The following HS3ST4 variants were observed in gnomAD, a reference collection of about 807,000 sequenced individuals.
HS3ST4 encodes heparan sulfate-glucosamine 3-sulfotransferase 4.
HS3ST4 carries 17 observed loss-of-function variants against 29.2 expected under a neutral mutation model. The ratio of observed to expected loss-of-function variants is 0.58; its 90% CI spans 0.40 to 0.87. The LOEUF is 0.87. Among genes scored for constraint, HS3ST4 ranks in the 40% least tolerant of loss-of-function variants. HS3ST4 has a pLI of 0.00. For synonymous variants in HS3ST4, 314 were observed against 285.7 expected (o/e 1.10, Z -1.00); for missense variants, 627 against 634.5 (o/e 0.99, Z 0.13).
intron 1 of HS3ST4, among the ~76,000 whole-genome samples, chr16:25,969,616 A>G (rs1172168529): frequency 2.0e-5 from 3 of 152,124 alleles, no homozygotes; most frequent in African/African-American, 7.2e-5. Flanking sequence ...CATCTCTGAG[A>G]GTCAGTTTTT....
At chr16:26,081,562 T>C (rs554684714) in intron 1 of HS3ST4, among the ~76,000 whole-genome samples, 3 of 152,234 alleles carry the variant, frequency 2.0e-5, no homozygotes, top group East Asian at 1.9e-4. Flanking sequence ...AAGTATATAA[T>C]GTCTTAGAAG....
At chr16:26,067,200 C>T (rs1426738349) in intron 1 of HS3ST4, among the ~76,000 whole-genome samples, 3 of 152,182 alleles carry the variant, frequency 2.0e-5, no homozygotes, top group Non-Finnish European at 4.4e-5. Context: ...TCTAAACGTG[C>T]TTCCTGTGCA....
chr16:25,862,928 T>C (rs1386931379), intron 1 of HS3ST4, among the ~76,000 whole-genome samples: 1 of 152,226 alleles, frequency 6.6e-6, no homozygotes, highest in Non-Finnish European at 1.5e-5. Flanking sequence ...CCTCCTATTC[T>C]TGAATATTTT....
intron 1 of HS3ST4, among the ~76,000 whole-genome samples, chr16:26,124,066 A>G (rs1899311058): frequency 6.6e-6 from 1 of 152,038 alleles, no homozygotes; most frequent in African/African-American, 2.4e-5. Context: ...GATTACAGGC[A>G]GGTGCCACCA....
At chr16:25,826,922 A>G (rs1304811932) in intron 1 of HS3ST4, among the ~76,000 whole-genome samples, 1 of 151,984 alleles carries the variant, frequency 6.6e-6, no homozygotes, top group Non-Finnish European at 1.5e-5. Context: ...ATTACCTCCA[A>G]CCTCAGTGAA....
chr16:25,793,097 A>G (rs957467465), intron 1 of HS3ST4, among the ~76,000 whole-genome samples: 14 of 151,858 alleles, frequency 9.2e-5, no homozygotes, highest in African/African-American at 3.4e-4. Context: ...TCCTTTGGTT[A>G]TCAACCTGTG....
At chr16:25,750,538 A>T (rs1214206843) in intron 1 of HS3ST4, among the ~76,000 whole-genome samples, 1 of 152,212 alleles carries the variant, frequency 6.6e-6, no homozygotes, top group African/African-American at 2.4e-5. Context: ...TACTTACTCC[A>T]TCAAGAGTAC....
intron 1 of HS3ST4, among the ~76,000 whole-genome samples, chr16:25,855,539 T>C (rs938251463): frequency 2.0e-5 from 3 of 152,170 alleles, no homozygotes; most frequent in African/African-American, 4.8e-5. Flanking sequence ...CAGAGTCAGA[T>C]TGGAATTTGG....
intron 1 of HS3ST4, among the ~76,000 whole-genome samples, chr16:26,068,986 C>T (rs556493983): frequency 1.3e-5 from 2 of 152,196 alleles, no homozygotes; most frequent in Non-Finnish European, 2.9e-5. Context: ...GGGTGTTGCT[C>T]TGTCGCCCAG....
intron 1 of HS3ST4, among the ~76,000 whole-genome samples, chr16:26,117,768 G>A (rs557479267): frequency 3.0e-4 from 46 of 152,298 alleles, no homozygotes; most frequent in Middle Eastern, 6.8e-3. Flanking sequence ...ATGTGAAGCT[G>A]CATATCCAGA....
chr16:25,787,663 G>A lies in HS3ST4; in HGVS notation c.734+94512G>A, dbSNP rs74012500. On this transcript the variant is annotated intron_variant, in intron 1 of 1. Coordinates refer to ENST00000331351, the MANE Select transcript of HS3ST4 (RefSeq NM_006040.3). ...GTAAATCAAAAATAGAGGAAGCCAG[G>A]CCTGAAGGCTCACACCTTTGTGGGG... is the stretch of plus-strand genomic sequence containing the variant. 4.8e-3 allele frequency among the ~76,000 whole-genome samples: 734 copies of A among 152,330 alleles called. 9 individuals carry two copies. The highest frequency in any genetic ancestry group is 0.017 in the African/African-American group (697 of 41,574).
intron 1 of HS3ST4, among the ~76,000 whole-genome samples, chr16:26,115,698 C>G (rs1314142711): frequency 2.6e-5 from 4 of 152,082 alleles, no homozygotes; most frequent in African/African-American, 9.7e-5. Context: ...GCCTGTGCCT[C>G]AAGGCAGCAT....
At chr16:25,940,004 T>G (rs1252288300) in intron 1 of HS3ST4, among the ~76,000 whole-genome samples, 1 of 152,280 alleles carries the variant, frequency 6.6e-6, no homozygotes, top group East Asian at 1.9e-4. Flanking sequence ...ATAAGGCTGA[T>G]TATTCACAAA....
At chr16:25,834,773 C>A (rs1967340750) in intron 1 of HS3ST4, among the ~76,000 whole-genome samples, 1 of 152,138 alleles carries the variant, frequency 6.6e-6, no homozygotes, top group Non-Finnish European at 1.5e-5. Context: ...TGGCGAAACT[C>A]TGTCTCTACC....
At chr16:25,787,948 T>C (rs1285675642) in intron 1 of HS3ST4, among the ~76,000 whole-genome samples, 2 of 152,186 alleles carry the variant, frequency 1.3e-5, no homozygotes, top group Non-Finnish European at 2.9e-5. Context: ...TTGGAATGCA[T>C]TGTGTACGTC....
chr16:25,747,977 A>G (rs189208776), intron 1 of HS3ST4, among the ~76,000 whole-genome samples: 3 of 152,198 alleles, frequency 2.0e-5, no homozygotes, highest in African/African-American at 7.2e-5. Flanking sequence ...AGTGAAATTC[A>G]GGGATTAAAT....
At chr16:25,935,374 T>C (rs1241354311) in intron 1 of HS3ST4, among the ~76,000 whole-genome samples, 1 of 152,192 alleles carries the variant, frequency 6.6e-6, no homozygotes, top group African/African-American at 2.4e-5. Context: ...TGTTGTCCAT[T>C]GTATAGGTTC....
At chr16:25,801,644 A>G (rs993320468) in intron 1 of HS3ST4, among the ~76,000 whole-genome samples, 1 of 152,180 alleles carries the variant, frequency 6.6e-6, no homozygotes, top group Admixed American at 6.5e-5. Flanking sequence ...ATTTAGTTTA[A>G]TTCTTTTGGT....
intron 1 of HS3ST4, chr16:25,826,456 G>T (rs1340654579): frequency 6.6e-6 from 1 of 152,222 alleles, no homozygotes; most frequent in Non-Finnish European, 1.5e-5. Context: ...GCTCATAGAG[G>T]CCTGGAATTT....
Sources: allele counts gnomAD v4.1 joint callset (sites outside exome capture counted in the v4.1 genomes callset), GRCh38; gene constraint gnomAD v4.1.1; transcripts MANE v1.5; gene names NCBI Gene and HGNC (gene_info 2026-07-23, HGNC 2026-07-21).